The following CTNND2 variants were observed in gnomAD, a reference collection of about 807,000 sequenced individuals.
The protein encoded by CTNND2 is catenin delta 2, also known as catenin delta-2.
In CTNND2, 22 loss-of-function variants were observed where a neutral mutation model predicts 144.4. The observed-to-expected ratio is 0.15, with a 90% CI of 0.11 to 0.22. The LOEUF (loss-of-function observed/expected upper bound fraction) is 0.22, where lower values mean the gene tolerates loss of function less well. Ranked by LOEUF, CTNND2 falls within the 10% of genes least tolerant of loss-of-function variation. The pLI, the probability that CTNND2 is intolerant of heterozygous loss-of-function variation, is 1.00. For synonymous variants in CTNND2, 751 were observed against 695.6 expected (o/e 1.08, Z -1.25); for missense variants, 1,353 against 1,618.8 (o/e 0.84, Z 2.82).
rs531688385 is a variant in CTNND2 at position 11,538,026 on chromosome 5, T to A, written c.287+26918A>T. On this transcript the variant is annotated intron_variant, in intron 3 of 21. Coordinates refer to ENST00000304623, the MANE Select transcript of CTNND2 (RefSeq NM_001332.4). ...AGCCTTTGGTAGATTCACCATGGAC[T>A]CAACCTAAAGAAACTCTTCCTGCGT... is the stretch of plus-strand genomic sequence containing the variant. Among the ~76,000 whole-genome samples the A allele has an allele frequency of 1.3e-3, 196 of 152,308 alleles. 2 individuals are homozygous for A. Among genetic ancestry groups the A allele is most frequent in the South Asian group, 5.6e-3 (27 of 4,828 alleles).
In CTNND2 at chr5:11,051,365, C is replaced by T. The variant is rs114434048; in HGVS notation, c.2789-28386G>A. On this transcript the variant is annotated intron_variant, in intron 16 of 21. Coordinates refer to ENST00000304623, the MANE Select transcript of CTNND2 (RefSeq NM_001332.4). Reference sequence around the variant, plus strand: ...CAATAAGAATATAAAAATGGAGACACAGCTCCCTGGTTAATTTTAGTAGCC... The same window carrying T: ...CAATAAGAATATAAAAATGGAGACATAGCTCCCTGGTTAATTTTAGTAGCC... Among the ~76,000 whole-genome samples, 1,520 of 152,280 alleles carry T rather than the reference C, an allele frequency of 1.0e-2. 25 individuals are homozygous for T. The highest frequency in any genetic ancestry group is 0.035 in the African/African-American group (1,452 of 41,564).
intron 1 of CTNND2, among the ~76,000 whole-genome samples, chr5:11,760,741 G>A (rs1398856998): frequency 1.3e-5 from 2 of 152,006 alleles, no homozygotes; most frequent in African/African-American, 4.8e-5. Context: ...GTCCTATACA[G>A]TTAGTGAACA....
intron 10 of CTNND2, among the ~76,000 whole-genome samples, chr5:11,221,184 A>C (rs1270499273): frequency 6.6e-6 from 1 of 152,230 alleles, no homozygotes; most frequent in Non-Finnish European, 1.5e-5. Context: ...TGTAATGCTG[A>C]AGTGCATCTA....
intron 14 of CTNND2, among the ~76,000 whole-genome samples, chr5:11,102,628 G>C (rs1752010247): frequency 6.6e-6 from 1 of 152,122 alleles, no homozygotes; most frequent in Non-Finnish European, 1.5e-5. Flanking sequence ...AACAGTTTCT[G>C]TCATTCCATT....
intron 2 of CTNND2, among the ~76,000 whole-genome samples, chr5:11,634,892 T>C (rs1301449857): frequency 6.6e-6 from 1 of 151,898 alleles, no homozygotes; most frequent in South Asian, 2.1e-4. Context: ...GAAATGAAAA[T>C]AGTCCATTAT....
chr5:11,321,076 A>G (rs1184567685), intron 9 of CTNND2, among the ~76,000 whole-genome samples: 12 of 152,216 alleles, frequency 7.9e-5, no homozygotes, highest in Admixed American at 7.9e-4. Context: ...AACACATTCT[A>G]AAGACCAGTT....
intron 5 of CTNND2, among the ~76,000 whole-genome samples, chr5:11,398,940 G>C (rs1388144936): frequency 6.6e-6 from 1 of 152,204 alleles, no homozygotes; most frequent in Non-Finnish European, 1.5e-5. Context: ...TGACAGGCAG[G>C]CTGAGATATG....
chr5:11,690,305 CA>C (rs574544232), intron 2 of CTNND2, among the ~76,000 whole-genome samples: 3 of 151,758 alleles, frequency 2.0e-5, no homozygotes, highest in African/African-American at 7.3e-5. Context: ...AAAATAAAAA[CA>C]AAAAAAACTT....
chr5:11,701,274 G>A (rs1291307364), intron 2 of CTNND2, among the ~76,000 whole-genome samples: 1 of 152,170 alleles, frequency 6.6e-6, no homozygotes, highest in African/African-American at 2.4e-5. Context: ...TACCCCATCA[G>A]CAAGGGACCT....
intron 2 of CTNND2, among the ~76,000 whole-genome samples, chr5:11,637,746 T>C (rs1361781512): frequency 6.6e-6 from 1 of 152,204 alleles, no homozygotes; most frequent in Non-Finnish European, 1.5e-5. Context: ...ATTTATGTTT[T>C]TTAAATTATT....
chr5:11,311,114 CCCTCA>C (rs1481899578), intron 9 of CTNND2, among the ~76,000 whole-genome samples: 1 of 146,064 alleles, frequency 6.8e-6, no homozygotes, highest in Non-Finnish European at 1.5e-5. Context: ...TCTCCATGCA[CCCTCA>C]CCTCACATGC....
At chr5:11,349,118 T>C (rs907997793) in intron 8 of CTNND2, among the ~76,000 whole-genome samples, 2 of 152,098 alleles carry the variant, frequency 1.3e-5, no homozygotes, top group Non-Finnish European at 2.9e-5. Flanking sequence ...AGAGAAAAAA[T>C]GGCTTCATGG....
chr5:11,637,821 T>C (rs1047126124), intron 2 of CTNND2, among the ~76,000 whole-genome samples: 4 of 152,138 alleles, frequency 2.6e-5, no homozygotes, highest in African/African-American at 9.7e-5. Context: ...TTATGTCTAG[T>C]GAAAGGGGAG....
chr5:10,989,209 T>C (rs959689426), intron 19 of CTNND2, among the ~76,000 whole-genome samples: 1 of 152,204 alleles, frequency 6.6e-6, no homozygotes, highest in Non-Finnish European at 1.5e-5. Context: ...GAGCCATGCG[T>C]CTGGGTGAGG....
At chr5:11,132,400 C>A (rs749825587) in intron 12 of CTNND2, among the ~76,000 whole-genome samples, 18 of 152,186 alleles carry the variant, frequency 1.2e-4, no homozygotes, top group Non-Finnish European at 2.1e-4. Context: ...TTACTGAGGA[C>A]TTTGGGAGAT....
intron 2 of CTNND2, among the ~76,000 whole-genome samples, chr5:11,723,776 G>T (rs1176095324): frequency 5.3e-5 from 8 of 152,124 alleles, no homozygotes; most frequent in Non-Finnish European, 7.4e-5. Context: ...CAGTTATTGG[G>T]CCGGGCGTGG....
chr5:11,523,649 A>G (rs886223599), intron 3 of CTNND2, among the ~76,000 whole-genome samples: 5 of 152,256 alleles, frequency 3.3e-5, no homozygotes, highest in African/African-American at 1.2e-4. Context: ...CAAGTAGAAC[A>G]TAACAAGAAA....
At chr5:11,662,165 A>C (rs972255119) in intron 2 of CTNND2, among the ~76,000 whole-genome samples, 1 of 145,476 alleles carries the variant, frequency 6.9e-6, no homozygotes, top group Non-Finnish European at 1.5e-5. Flanking sequence ...ATGTGTATAT[A>C]TGTGTATATA....
chr5:11,277,012 A>G (rs1746609203), intron 9 of CTNND2, among the ~76,000 whole-genome samples: 1 of 152,314 alleles, frequency 6.6e-6, no homozygotes, highest in South Asian at 2.1e-4. Context: ...TAAACCACAT[A>G]TTTAGTAGTA....
Sources: allele counts gnomAD v4.1 joint callset (sites outside exome capture counted in the v4.1 genomes callset), GRCh38; gene constraint gnomAD v4.1.1; transcripts MANE v1.5; gene names NCBI Gene and HGNC (gene_info 2026-07-23, HGNC 2026-07-21).